CACNB2: variants seen among roughly 807,000 people sequenced by gnomAD.
The protein encoded by CACNB2 is voltage-dependent L-type calcium channel subunit beta-2.
Under a neutral mutation model 73.3 loss-of-function variants are expected in CACNB2, and 42 were observed. The observed-to-expected ratio is 0.57, with a 90% CI of 0.45 to 0.74. CACNB2 has a LOEUF of 0.74. Ranked by LOEUF, CACNB2 falls within the 30% of genes least tolerant of loss-of-function variation. The pLI, the probability that CACNB2 is intolerant of heterozygous loss-of-function variation, is 0.00. For synonymous variants in CACNB2, 348 were observed against 310.3 expected (o/e 1.12, Z -1.28); for missense variants, 940 against 853.0 (o/e 1.10, Z -1.27).
intron 2 of CACNB2, among the ~76,000 whole-genome samples, chr10:18,193,162 G>T (rs996214541): frequency 6.6e-6 from 1 of 151,844 alleles, no homozygotes; most frequent in African/African-American, 2.4e-5. Flanking sequence ...TCAAACATTT[G>T]TCATTTGTTT....
chr10:18,276,752 T>C (rs190637974), intron 2 of CACNB2, among the ~76,000 whole-genome samples: 1 of 152,126 alleles, frequency 6.6e-6, no homozygotes, highest in Non-Finnish European at 1.5e-5. Context: ...CTAATTTTTG[T>C]ATTTTTAGTA....
intron 2 of CACNB2, among the ~76,000 whole-genome samples, chr10:18,173,095 T>A (rs1035737660): frequency 5.3e-5 from 8 of 151,956 alleles, no homozygotes; most frequent in Non-Finnish European, 8.8e-5. Flanking sequence ...TAATTTTGTG[T>A]TTTTAGTAGA....
At chr10:18,511,679 C>T (rs966632903) in intron 6 of CACNB2, among the ~76,000 whole-genome samples, 1 of 152,038 alleles carries the variant, frequency 6.6e-6, no homozygotes, top group Non-Finnish European at 1.5e-5. Flanking sequence ...TGATTCTTAA[C>T]CGTAGAATAA....
intron 2 of CACNB2, chr10:18,340,856 TA>T: frequency 6.2e-7 from 1 of 1,613,940 alleles, no homozygotes; most frequent in Non-Finnish European, 8.5e-7. Flanking sequence ...GCCTTTTAGC[TA>T]GTCCTGAATT....
intron 2 of CACNB2, among the ~76,000 whole-genome samples, chr10:18,219,690 T>A (rs1253537272): frequency 6.6e-6 from 1 of 152,112 alleles, no homozygotes; most frequent in Non-Finnish European, 1.5e-5. Flanking sequence ...TTTTTTACAC[T>A]TATAATTCCC....
chr10:18,435,145 TG>T (rs2046070878), intron 3 of CACNB2, among the ~76,000 whole-genome samples: 1 of 152,200 alleles, frequency 6.6e-6, no homozygotes, highest in Admixed American at 6.5e-5. Context: ...CTCTGCCTTC[TG>T]CGTGTCACAC....
At chr10:18,297,538 A>G in intron 2 of CACNB2, among the ~76,000 whole-genome samples, 1 of 152,210 alleles carries the variant, frequency 6.6e-6, no homozygotes, top group East Asian at 1.9e-4. Context: ...GGCCTGGATG[A>G]CAGAGTGAGA....
At chr10:18,473,694 G>T (rs533457221) in intron 3 of CACNB2, among the ~76,000 whole-genome samples, 2 of 152,198 alleles carry the variant, frequency 1.3e-5, no homozygotes, top group Admixed American at 6.5e-5. Flanking sequence ...GAGAATTCAC[G>T]TAACTTGCTT....
intron 2 of CACNB2, among the ~76,000 whole-genome samples, chr10:18,358,728 C>T (rs2042031856): frequency 6.6e-6 from 1 of 152,036 alleles, no homozygotes; most frequent in South Asian, 2.1e-4. Flanking sequence ...AAATAAAAAG[C>T]AGTGGAAGGA....
chr10:18,210,269 C>T (rs1327204160), intron 2 of CACNB2, among the ~76,000 whole-genome samples: 1 of 152,116 alleles, frequency 6.6e-6, no homozygotes, highest in Non-Finnish European at 1.5e-5. Context: ...GAAGAGAAAA[C>T]GCAGCTCCAG....
intron 7 of CACNB2, among the ~76,000 whole-genome samples, chr10:18,515,388 C>T (rs2051175978): frequency 6.6e-6 from 1 of 152,152 alleles, no homozygotes; most frequent in Non-Finnish European, 1.5e-5. Flanking sequence ...TAGAATCATA[C>T]TAATGTCGCC....
intron 3 of CACNB2, among the ~76,000 whole-genome samples, chr10:18,442,597 A>T (rs1350192193): frequency 2.0e-5 from 3 of 151,454 alleles, no homozygotes; most frequent in Admixed American, 6.6e-5. Flanking sequence ...GAGGCCAAGG[A>T]GGGCAGATCA....
At chr10:18,220,224 TATATATATAGAGAGAGAGAGAGAG>T (rs2035711769) in intron 2 of CACNB2, among the ~76,000 whole-genome samples, 1 of 48,040 alleles carries the variant, frequency 2.1e-5, no homozygotes, top group African/African-American at 1.8e-4. Flanking sequence ...TATATATATA[TATATATATAGAGAGAGAGAGAGAG>T]AGAGAGAGAG....
At chr10:18,386,641 C>T (rs1215532777) in intron 2 of CACNB2, among the ~76,000 whole-genome samples, 3 of 152,164 alleles carry the variant, frequency 2.0e-5, no homozygotes, top group East Asian at 1.9e-4. Context: ...CTCCTGACCT[C>T]GTGATCCACC....
chr10:18,402,064 C>G, intron 3 of CACNB2, 21 bp downstream of exon 3: 1 of 1,612,130 alleles, frequency 6.2e-7, no homozygotes, highest in African/African-American at 1.3e-5. Flanking sequence ...TTCCTCCCTG[C>G]CAAGATCTTT....
intron 3 of CACNB2, among the ~76,000 whole-genome samples, chr10:18,422,715 T>C (rs571117990): frequency 1.2e-4 from 18 of 152,136 alleles, no homozygotes; most frequent in Non-Finnish European, 2.4e-4. Flanking sequence ...TTTTTTAAGA[T>C]GGAGTTTCAT....
chr10:18,228,441 A>AAAAAAAAAAAAAAAAAG (rs1564360874), intron 2 of CACNB2, among the ~76,000 whole-genome samples: 1 of 145,090 alleles, frequency 6.9e-6, no homozygotes. Context: ...CTCAAAAAAA[A>AAAAAAAAAAAAAAAAAG]AAAAAAAAGA....
intron 2 of CACNB2, among the ~76,000 whole-genome samples, chr10:18,305,079 T>C (rs2039676249): frequency 6.6e-6 from 1 of 152,236 alleles, no homozygotes; most frequent in South Asian, 2.1e-4. Context: ...TTCCAATTCT[T>C]CCATGTTTCC....
chr10:18,435,657 T>C (rs1439091800), intron 3 of CACNB2, among the ~76,000 whole-genome samples: 1 of 151,766 alleles, frequency 6.6e-6, no homozygotes, highest in Non-Finnish European at 1.5e-5. Flanking sequence ...CACTACCATA[T>C]CCAGATAATT....
Sources: gnomAD v4.1 joint callset for allele counts (sites outside exome capture counted in the v4.1 genomes callset) on GRCh38, gnomAD v4.1.1 for gene constraint, MANE v1.5 for transcripts, NCBI Gene and HGNC (gene_info 2026-07-23, HGNC 2026-07-21) for gene names.